Variants in CORO7 observed in about 807,000 individuals in gnomAD.
CORO7 encodes coronin-7.
Under a neutral mutation model 126.6 loss-of-function variants are expected in CORO7, and 107 were observed. The observed-to-expected ratio is 0.85, with a 90% CI of 0.72 to 0.99. The LOEUF (loss-of-function observed/expected upper bound fraction) is 0.99, where lower values mean the gene tolerates loss of function less well. CORO7 is among the 50% of genes least tolerant of loss of function. CORO7 has a pLI of 0.00. For missense variants in CORO7, 1,314 were observed against 1,255.8 expected, an observed-to-expected ratio of 1.05 and a Z score of -0.70; for synonymous variants, 603 against 536.8, an observed-to-expected ratio of 1.12 and a Z score of -1.70.
intron 9 of CORO7, among the ~76,000 whole-genome samples, chr16:4,379,421 TCTGGAGC>T (rs2054871840): frequency 6.6e-6 from 1 of 151,932 alleles, no homozygotes; most frequent in African/African-American, 2.4e-5. Context: ...GCAGCTAAGA[TCTGGAGC>T]CTGGAGCGGC....
At chr16:4,367,536 C>T (rs2141204923) in intron 9 of CORO7, among the ~76,000 whole-genome samples, 1 of 152,168 alleles carries the variant, frequency 6.6e-6, no homozygotes, top group East Asian at 1.9e-4. Flanking sequence ...CAGACACAAT[C>T]CCATAGACAA....
chr16:4,364,397 A>T lies in CORO7; in HGVS notation c.1154T>A (p.Leu385His). The T allele has an allele frequency of 6.6e-7, 1 of 1,509,026 alleles. No homozygotes were observed. Among genetic ancestry groups the T allele is most frequent in the Non-Finnish European group, 8.8e-7 (1 of 1,131,080 alleles). The allele number at this position is 1,509,026 out of a possible 1,614,324, so 93.5% of individuals were successfully genotyped here. ...CGGGTGGGGCCGGCAGGCGGGGTTG[A>T]GGCTGACCTTCTGCACCTGCATGGA... ...GDNQQVQKVS[L>H]NPACRPHPSF... Residue 385 changes from leucine (L) to histidine (H), a missense_variant, in exon 14 of 28, where the codon CTC (leucine) becomes CAC (histidine). By Grantham distance (99) the Leu-to-His change is moderately conservative. Transcript: ENST00000251166.
intron 7 of CORO7, among the ~76,000 whole-genome samples, chr16:4,394,443 C>T (rs1419455655): frequency 1.8e-4 from 26 of 146,542 alleles, no homozygotes; most frequent in African/African-American, 6.1e-4. Flanking sequence ...AGCGAGACTC[C>T]GTCTCAAAAA....
rs115058214 is a variant in CORO7 at position 4,387,725 on chromosome 16, C to T, written c.785+261G>A. On this transcript the variant is annotated intron_variant, in intron 9 of 27. Transcript: ENST00000251166. ...ATGCCAAGCATACCTGTGTCAACCC[C>T]CAGCCATGAAACCTCTGGTGACCAA... The T allele has an allele frequency of 3.7e-3, 2,081 of 565,460 alleles. 34 individuals are homozygous for T. The highest frequency in any genetic ancestry group is 0.035 in the African/African-American group (1,873 of 53,476). 35.0% of individuals were successfully genotyped at this position (565,460 alleles called of 1,614,324 possible).
chr16:4,365,398 A>T (rs1262645040), intron 10 of CORO7, 93 bp downstream of exon 10: 2 of 1,513,646 alleles, frequency 1.3e-6, no homozygotes, highest in Admixed American at 2.1e-5. Context: ...GAAGACACAG[A>T]GGCCCTGTTC....
In CORO7 at chr16:4,416,563, T is replaced by C. The variant is rs1023219251; in HGVS notation, c.-45A>G. On this transcript the variant is annotated 5_prime_UTR_variant, in exon 1 of 28. Coordinates refer to ENST00000251166, the MANE Select transcript of CORO7 (RefSeq NM_024535.5). ...GACGCGTCTTCGAGGACCCCGGGCGTCGGGTCTCAGGTGCACGCTGAGCAA... is the reference window on the plus strand; with the variant it reads ...GACGCGTCTTCGAGGACCCCGGGCGCCGGGTCTCAGGTGCACGCTGAGCAA... The C allele has an allele frequency of 1.9e-6, 3 of 1,569,914 alleles. No individual in the cohort carries two copies. The highest frequency in any genetic ancestry group is 1.7e-6 in the Non-Finnish European group (2 of 1,161,998).
At chr16:4,397,803 C>T (rs955521239) in intron 6 of CORO7, among the ~76,000 whole-genome samples, 2 of 151,976 alleles carry the variant, frequency 1.3e-5, no homozygotes, top group Non-Finnish European at 2.9e-5. Flanking sequence ...TTACTAGAGT[C>T]GGGGTTTTGC....
At chr16:4,380,722 C>G in intron 9 of CORO7, 1 of 840,376 alleles carries the variant, frequency 1.2e-6, no homozygotes. Flanking sequence ...GAACCTGGGT[C>G]GGGGCACTGG....
At chr16:4,381,052 G>C (rs774558122) in intron 9 of CORO7, 3 of 1,610,600 alleles carry the variant, frequency 1.9e-6, no homozygotes, top group Non-Finnish European at 2.5e-6. Context: ...GGGGCTGTAC[G>C]TCTTTGAGAA....
At chr16:4,413,524 T>C in intron 1 of CORO7, 120 bp from the exon 2 acceptor site, 12 of 852,204 alleles carry the variant, frequency 1.4e-5, no homozygotes, top group Non-Finnish European at 2.1e-5. Context: ...CCATTCGAGA[T>C]GCATTCTTTT....
At chr16:4,388,223 G>C (rs1216201362) in intron 8 of CORO7, among the ~76,000 whole-genome samples, 155 bp from the exon 9 acceptor site, 1 of 152,196 alleles carries the variant, frequency 6.6e-6, no homozygotes, top group Non-Finnish European at 1.5e-5. Flanking sequence ...CCCAGGGAAA[G>C]AGAATCTGGG....
At chr16:4,398,080 T>C (rs2055666670) in intron 6 of CORO7, among the ~76,000 whole-genome samples, 1 of 152,020 alleles carries the variant, frequency 6.6e-6, no homozygotes, top group African/African-American at 2.4e-5. Flanking sequence ...CAGGCCCTGC[T>C]AATGTTTTAA....
chr16:4,381,559 C>T, intron 9 of CORO7: 7 of 1,605,282 alleles, frequency 4.4e-6, no homozygotes, highest in Admixed American at 1.7e-5. Flanking sequence ...CGACAACCAG[C>T]TGGAGCGAGT....
At chr16:4,361,500 T>G (rs772944253) in intron 16 of CORO7, 31 bp from the exon 17 acceptor site, 1 of 1,607,712 alleles carries the variant, frequency 6.2e-7, no homozygotes, top group South Asian at 1.1e-5. Flanking sequence ...CCGAGGCCCA[T>G]CAGTACCAGG....
intron 9 of CORO7, among the ~76,000 whole-genome samples, chr16:4,378,252 C>A (rs1384849879): frequency 6.6e-6 from 1 of 152,166 alleles, no homozygotes; most frequent in African/African-American, 2.4e-5. Context: ...ACAGCTTGGA[C>A]ACCTCTGAGC....
intron 1 of CORO7, 133 bp downstream of exon 1, chr16:4,416,326 G>A (rs993042140): frequency 1.6e-6 from 2 of 1,275,234 alleles, no homozygotes; most frequent in Admixed American, 4.1e-5. Flanking sequence ...CTGGCCTGAA[G>A]GGGGGTTCCC....
chr16:4,413,430 G>GGTCCCTGTCCCTCTCCCTC, intron 1 of CORO7, 26 bp from the exon 2 acceptor site: 1 of 1,552,416 alleles, frequency 6.4e-7, no homozygotes, highest in Non-Finnish European at 8.7e-7. Flanking sequence ...AAAGAAGTAT[G>GGTCCCTGTCCCTCTCCCTC]TGGTGAGAGC....
chr16:4,355,227 C>T (rs769923484), intron 27 of CORO7, 59 bp downstream of exon 27: 1 of 1,603,504 alleles, frequency 6.2e-7, no homozygotes, highest in Non-Finnish European at 8.5e-7. Context: ...GAGGCATGCA[C>T]CGTGGCATGT....
At chr16:4,408,455 G>T (rs1400546385) in intron 3 of CORO7, among the ~76,000 whole-genome samples, 2 of 152,316 alleles carry the variant, frequency 1.3e-5, no homozygotes, top group East Asian at 3.9e-4. Context: ...GACCCAGGGT[G>T]GCCAAGGGCT....
Sources: allele counts gnomAD v4.1 joint callset (sites outside exome capture counted in the v4.1 genomes callset), GRCh38; gene constraint gnomAD v4.1.1; transcripts MANE v1.5; gene names NCBI Gene and HGNC (gene_info 2026-07-23, HGNC 2026-07-21).